The following MTUS1 variants were observed in gnomAD, a reference collection of about 807,000 sequenced individuals.
MTUS1 encodes microtubule-associated tumor suppressor 1.
MTUS1 carries 109 observed loss-of-function variants against 120.8 expected under a neutral mutation model. That is an observed-to-expected ratio of 0.90 (90% CI 0.77 to 1.06). The LOEUF (loss-of-function observed/expected upper bound fraction) is 1.06, where lower values mean the gene tolerates loss of function less well. Ranked by LOEUF, MTUS1 falls within the 50% of genes least tolerant of loss-of-function variation. The probability of loss-of-function intolerance (pLI) is 0.00; values close to 1 mark genes in which losing one functional copy is unlikely to be tolerated. For missense variants in MTUS1, 2,210 were observed against 1,486.3 expected (o/e 1.49, Z -8.01); for synonymous variants, 737 against 550.5 (o/e 1.34, Z -4.74).
intron 6 of MTUS1, among the ~76,000 whole-genome samples, chr8:17,711,957 G>A (rs968174961): frequency 6.6e-6 from 1 of 152,192 alleles, no homozygotes; most frequent in African/African-American, 2.4e-5. Context: ...CGTATCAGCT[G>A]TGTTCACTGT....
In MTUS1 at chr8:17,667,970, G is replaced by C. The variant is rs141194133; in HGVS notation, c.2905+7216C>G. Among the ~76,000 whole-genome samples the C allele has an allele frequency of 5.9e-3, 895 of 152,254 alleles. 10 individuals carry two copies. Among genetic ancestry groups the C allele is most frequent in the African/African-American group, 0.02 (845 of 41,538 alleles). ...GTCTTTTTACACTATTATAGGAAGG[G>C]CAAGCATTTTTAGTGAATTAAGGAT... On this transcript the variant is annotated intron_variant, in intron 8 of 14. Coordinates refer to ENST00000693296, the MANE Select transcript of MTUS1 (RefSeq NM_001363059.2).
At chr8:17,724,421 T>C (rs962551363) in intron 3 of MTUS1, among the ~76,000 whole-genome samples, 1 of 152,134 alleles carries the variant, frequency 6.6e-6, no homozygotes, top group African/African-American at 2.4e-5. Flanking sequence ...AAATGCAATT[T>C]GATAAGCAAA....
intron 1 of MTUS1, among the ~76,000 whole-genome samples, chr8:17,760,080 G>C (rs1005831382): frequency 4.1e-5 from 6 of 146,942 alleles, no homozygotes; most frequent in Admixed American, 2.8e-4. Context: ...TTTTAGCACG[G>C]TGGTGCATGC....
chr8:17,768,350 C>G (rs1207848563), intron 1 of MTUS1, among the ~76,000 whole-genome samples: 1 of 152,016 alleles, frequency 6.6e-6, no homozygotes, highest in East Asian at 1.9e-4. Flanking sequence ...AAGAGAGGTT[C>G]AAAACATGAA....
At chr8:17,732,742 C>G (rs1467912934) in intron 3 of MTUS1, among the ~76,000 whole-genome samples, 1 of 152,138 alleles carries the variant, frequency 6.6e-6, no homozygotes, top group Non-Finnish European at 1.5e-5. Context: ...CTGCACCATT[C>G]TTCCATTGCT....
intron 1 of MTUS1, among the ~76,000 whole-genome samples, chr8:17,786,591 A>G (rs906965505): frequency 6.6e-6 from 1 of 152,142 alleles, no homozygotes; most frequent in Non-Finnish European, 1.5e-5. Context: ...GCCACATTAT[A>G]TGTTCTCTAC....
At chr8:17,703,793 A>G (rs1012126376) in intron 6 of MTUS1, among the ~76,000 whole-genome samples, 5 of 152,198 alleles carry the variant, frequency 3.3e-5, no homozygotes, top group Admixed American at 2.0e-4. Flanking sequence ...TATCAAGACA[A>G]TACGTGCACT....
intron 12 of MTUS1, among the ~76,000 whole-genome samples, 173 bp downstream of exon 12, chr8:17,653,013 A>C (rs180988361): frequency 6.6e-6 from 1 of 152,286 alleles, no homozygotes; most frequent in African/African-American, 2.4e-5. Context: ...AGGATGGTAA[A>C]ACAAGACGCC....
chr8:17,716,045 A>G (rs1299644990), intron 4 of MTUS1, 144 bp from the exon 5 acceptor site: 2 of 709,722 alleles, frequency 2.8e-6, no homozygotes, highest in African/African-American at 3.6e-5. Context: ...GGAATACAAC[A>G]TGGATAACAG....
chr8:17,738,585 C>T (rs867593220), intron 3 of MTUS1, among the ~76,000 whole-genome samples: 2 of 152,016 alleles, frequency 1.3e-5, no homozygotes, highest in African/African-American at 2.4e-5. Flanking sequence ...TTTTAAGTTC[C>T]GGGGTACATG....
intron 1 of MTUS1, among the ~76,000 whole-genome samples, chr8:17,770,884 C>G (rs2131448331): frequency 6.6e-6 from 1 of 152,288 alleles, no homozygotes; most frequent in South Asian, 2.1e-4. Context: ...TCTCTGAAAA[C>G]AGAAGGCACT....
intron 4 of MTUS1, among the ~76,000 whole-genome samples, chr8:17,719,210 T>C (rs1375844503): frequency 6.6e-6 from 1 of 152,166 alleles, no homozygotes; most frequent in Non-Finnish European, 1.5e-5. Context: ...CAGACTTTTA[T>C]CTGCAAACTA....
chr8:17,767,325 A>T (rs115807822), intron 1 of MTUS1, among the ~76,000 whole-genome samples: 3,214 of 151,936 alleles, frequency 0.021, 109 homozygotes, highest in African/African-American at 0.074. Context: ...ATTTGGGGCC[A>T]ATTTTGATAT....
intron 3 of MTUS1, among the ~76,000 whole-genome samples, chr8:17,737,922 G>T (rs151302432): frequency 3.3e-4 from 50 of 152,172 alleles, no homozygotes; most frequent in African/African-American, 8.9e-4. Flanking sequence ...AGTTTAAAAG[G>T]ATATAAAAGT....
At chr8:17,706,728 A>G (rs1820243959) in intron 6 of MTUS1, among the ~76,000 whole-genome samples, 1 of 152,236 alleles carries the variant, frequency 6.6e-6, no homozygotes, top group East Asian at 1.9e-4. Flanking sequence ...CTAATTGTAT[A>G]GATGTTCATC....
At chr8:17,795,858 A>C (rs1042992055) in intron 1 of MTUS1, among the ~76,000 whole-genome samples, 2 of 151,530 alleles carry the variant, frequency 1.3e-5, no homozygotes, top group Non-Finnish European at 2.9e-5. Flanking sequence ...CTGGTCTCAA[A>C]CTCCTGACCT....
intron 8 of MTUS1, among the ~76,000 whole-genome samples, chr8:17,664,854 G>A (rs1433885031): frequency 1.3e-5 from 2 of 152,092 alleles, no homozygotes; most frequent in African/African-American, 4.8e-5. Flanking sequence ...CACTGAACAA[G>A]TAACCAAGAA....
chr8:17,797,803 G>A (rs1181685201), intron 1 of MTUS1, among the ~76,000 whole-genome samples: 1 of 152,064 alleles, frequency 6.6e-6, no homozygotes, highest in Non-Finnish European at 1.5e-5. Flanking sequence ...CTAAGCTTGG[G>A]GAATAAAAGG....
At chr8:17,797,664 C>T (rs1183114716) in intron 1 of MTUS1, among the ~76,000 whole-genome samples, 1 of 152,084 alleles carries the variant, frequency 6.6e-6, no homozygotes, top group Non-Finnish European at 1.5e-5. Context: ...AAGTGGTCAC[C>T]TCCCTCCGGG....
Sources: allele counts gnomAD v4.1 joint callset (sites outside exome capture counted in the v4.1 genomes callset), GRCh38; gene constraint gnomAD v4.1.1; transcripts MANE v1.5; gene names NCBI Gene and HGNC (gene_info 2026-07-23, HGNC 2026-07-21).